Variants in ATXN8OS observed in about 807,000 individuals in gnomAD.
ATXN8OS encodes ATXN8 opposite strand lncRNA, also known as ATXN8 opposite strand (non-protein coding).
chr13:70,109,311 C>T (rs1017762556), intron 1 of ATXN8OS, among the ~76,000 whole-genome samples: 1 of 152,114 alleles, frequency 6.6e-6, no homozygotes, highest in Non-Finnish European at 1.5e-5. Context: ...AGATAGAACC[C>T]AGTAGTCTTT....
intron 2 of ATXN8OS, among the ~76,000 whole-genome samples, chr13:70,120,532 G>T (rs1025499436): frequency 1.3e-5 from 2 of 152,074 alleles, no homozygotes; most frequent in African/African-American, 4.8e-5. Flanking sequence ...CTTGCTTTAG[G>T]CATATAACCA....
intron 4 of ATXN8OS, among the ~76,000 whole-genome samples, chr13:70,148,941 G>T (rs940118329): frequency 3.3e-5 from 5 of 152,066 alleles, no homozygotes; most frequent in African/African-American, 1.2e-4. Flanking sequence ...TCTATAATTT[G>T]CTTTTAACAC....
chr13:70,107,574 G>A (rs376267562), upstream of ATXN8OS: 14 of 1,606,134 alleles, frequency 8.7e-6, no homozygotes, highest in African/African-American at 1.5e-4. Context: ...AGCTGCCACT[G>A]CCGTCCTGTT....
At chr13:70,135,958 T>C (rs745334961) in intron 3 of ATXN8OS, among the ~76,000 whole-genome samples, 8 of 152,190 alleles carry the variant, frequency 5.3e-5, no homozygotes, top group Non-Finnish European at 1.0e-4. Context: ...GCAAGAACAA[T>C]TGATAAATTA....
At chr13:70,159,607 G>A (rs887376336) in intron 4 of ATXN8OS, among the ~76,000 whole-genome samples, 3 of 152,050 alleles carry the variant, frequency 2.0e-5, no homozygotes, top group Non-Finnish European at 4.4e-5. Context: ...ATTAGCATAT[G>A]TATACATTTG....
At chr13:70,162,651 T>G (rs1213357501) in intron 4 of ATXN8OS, among the ~76,000 whole-genome samples, 3 of 152,188 alleles carry the variant, frequency 2.0e-5, no homozygotes, top group Admixed American at 1.3e-4. Context: ...TATAAGAAAC[T>G]GTGGAAGGCT....
intron 1 of ATXN8OS, among the ~76,000 whole-genome samples, chr13:70,111,762 T>A (rs1273621788): frequency 6.6e-6 from 1 of 152,196 alleles, no homozygotes; most frequent in African/African-American, 2.4e-5. Flanking sequence ...TTTTTGTATC[T>A]TTTTGGCAGG....
At chr13:70,138,187 A>G (rs934735968) in intron 3 of ATXN8OS, among the ~76,000 whole-genome samples, 2 of 152,174 alleles carry the variant, frequency 1.3e-5, no homozygotes, top group East Asian at 3.8e-4. Flanking sequence ...CTGTTGTGCT[A>G]CATTTTGTTT....
At chr13:70,121,247 G>C (rs1282904965) in intron 2 of ATXN8OS, among the ~76,000 whole-genome samples, 1 of 152,032 alleles carries the variant, frequency 6.6e-6, no homozygotes, top group African/African-American at 2.4e-5. Context: ...ATTAGACAGG[G>C]AATGACTACT....
intron 1 of ATXN8OS, among the ~76,000 whole-genome samples, chr13:70,112,446 A>G (rs1374026386): frequency 6.6e-6 from 1 of 152,224 alleles, no homozygotes; most frequent in Non-Finnish European, 1.5e-5. Context: ...AATATCATAT[A>G]GCACTAATGC....
At chr13:70,164,049 TTTATTCTTATTATTATTA>T (rs1172677975) in intron 4 of ATXN8OS, among the ~76,000 whole-genome samples, 3,236 of 140,484 alleles carry the variant, frequency 0.023, 74 homozygotes, top group African/African-American at 0.028. Context: ...GCTGGAAGTT[TTTATTCTTATTATTATTA>T]TTATTATTAT....
At chr13:70,163,716 T>C (rs1328146682) in intron 4 of ATXN8OS, among the ~76,000 whole-genome samples, 2 of 151,976 alleles carry the variant, frequency 1.3e-5, no homozygotes, top group Non-Finnish European at 2.9e-5. Context: ...TTTTACAATA[T>C]GTATCAGTAT....
chr13:70,139,380 A>ACTGCTGCTGCTGCTGCTGCTGCTG lies in ATXN8OS; in HGVS notation n.500-7973_500-7972insGCTGCTGCTGCTGCTGCTGCTGCT, dbSNP rs752810956. 974 of 576,552 alleles carry ACTGCTGCTGCTGCTGCTGCTGCTG rather than the reference A, an allele frequency of 1.7e-3. 6 individuals carry two copies. The highest frequency in any genetic ancestry group is 2.0e-3 in the Admixed American group (79 of 39,852). 35.7% of individuals were successfully genotyped at this position (576,552 alleles called of 1,614,324 possible). ...TACTACTACTACTACTACTACTACT[A>ACTGCTGCTGCTGCTGCTGCTGCTG]CTACTGCTGCTGCTGCTGCTGCTGC... is the stretch of plus-strand genomic sequence containing the variant. On this transcript the variant is annotated intron_variant and non_coding_transcript_variant, in intron 3 of 4. Transcript: ENST00000678624.
At position 70,138,563 on chromosome 13, in the gene ATXN8OS, A is replaced by G. The variant is rs1888651702; in HGVS notation, n.499+8679A>G. Among the ~76,000 whole-genome samples, 6 of 152,184 alleles carry G rather than the reference A, an allele frequency of 3.9e-5. No individual in the cohort carries two copies. The South Asian group carries it at 1.2e-3, about 32-fold the overall frequency. The stretch of plus-strand genomic sequence containing the variant: ...CTAGGTGCTATAGATTTATTAATAA[A>G]CTCAACAGACACAAATATTTGGCAG... On this transcript the variant is annotated intron_variant and non_coding_transcript_variant, in intron 3 of 4. Transcript: ENST00000678624.
Position 70,168,395 on chromosome 13 carries a change from T to C in ATXN8OS, n.574-1358T>C, listed in dbSNP as rs537752356. Among the ~76,000 whole-genome samples the C allele has an allele frequency of 2.0e-5, 3 of 152,192 alleles. No homozygotes were observed. The South Asian group carries it at 6.2e-4, about 32-fold the overall frequency. ...TTTCAAATCCTCTCTTCTAGCTATT[T>C]TGAAATATACAATATGTTGTTGCTG... On this transcript the variant is annotated intron_variant and non_coding_transcript_variant, in intron 4 of 4. Coordinates refer to ENST00000678624, the Ensembl canonical transcript of ATXN8OS.
At chr13:70,154,753 T>G (rs994216448) in intron 4 of ATXN8OS, among the ~76,000 whole-genome samples, 1 of 152,188 alleles carries the variant, frequency 6.6e-6, no homozygotes, top group Non-Finnish European at 1.5e-5. Context: ...GTTTATAGAT[T>G]CCTGTTCTCT....
intron 3 of ATXN8OS, chr13:70,131,274 TCTATG>T: frequency 2.5e-6 from 1 of 398,494 alleles, no homozygotes; most frequent in Non-Finnish European, 4.4e-6. Context: ...ACACTCCTAG[TCTATG>T]CTATGAACAT....
chr13:70,140,533 C>CAAAA (rs58996989), intron 3 of ATXN8OS, among the ~76,000 whole-genome samples: 23,280 of 132,448 alleles, frequency 0.18, 2,064 homozygotes, highest in East Asian at 0.34. Flanking sequence ...CACACACACA[C>CAAAA]AAAAAAAAAA....
chr13:70,159,282 T>C (rs1593777134), intron 4 of ATXN8OS, among the ~76,000 whole-genome samples: 1 of 152,152 alleles, frequency 6.6e-6, no homozygotes, highest in Non-Finnish European at 1.5e-5. Context: ...ATTTTCTATG[T>C]ACAAAATCAT....
Sources: gnomAD v4.1 joint callset for allele counts (sites outside exome capture counted in the v4.1 genomes callset) on GRCh38, gnomAD v4.1.1 for gene constraint, MANE v1.5 for transcripts, NCBI Gene and HGNC (gene_info 2026-07-23, HGNC 2026-07-21) for gene names.